Variants in GRID2 observed in about 807,000 individuals in gnomAD.
The protein encoded by GRID2 is glutamate receptor ionotropic, delta-2.
Under a neutral mutation model 114.8 loss-of-function variants are expected in GRID2, and 33 were observed. That is an observed-to-expected ratio of 0.29 (90% CI 0.22 to 0.38). GRID2 has a LOEUF of 0.38. Ranked by LOEUF, GRID2 falls within the 10% of genes least tolerant of loss-of-function variation. The probability of loss-of-function intolerance (pLI) is 1.00; values close to 1 mark genes in which losing one functional copy is unlikely to be tolerated. For synonymous variants in GRID2, 505 were observed against 449.9 expected (o/e 1.12, Z -1.55); for missense variants, 1,184 against 1,257.7 (o/e 0.94, Z 0.89).
At chr4:92,379,877 G>T (rs535701224) in intron 1 of GRID2, among the ~76,000 whole-genome samples, 1 of 151,872 alleles carries the variant, frequency 6.6e-6, no homozygotes, top group Non-Finnish European at 1.5e-5. Context: ...TTATATATAG[G>T]TATTAAATTG....
chr4:92,481,562 A>G (rs1346466365), intron 1 of GRID2, among the ~76,000 whole-genome samples: 7 of 152,024 alleles, frequency 4.6e-5, no homozygotes, highest in Non-Finnish European at 1.0e-4. Flanking sequence ...CCATTCGTCT[A>G]TATGTATGTT....
intron 8 of GRID2, among the ~76,000 whole-genome samples, chr4:93,388,819 C>T (rs1318841714): frequency 6.6e-6 from 1 of 152,136 alleles, no homozygotes; most frequent in African/African-American, 2.4e-5. Flanking sequence ...ATTGGCAGAG[C>T]TGGGCAAAGG....
chr4:93,220,040 A>AG (rs1429678160), intron 6 of GRID2, among the ~76,000 whole-genome samples: 1 of 152,162 alleles, frequency 6.6e-6, no homozygotes, highest in Non-Finnish European at 1.5e-5. Context: ...ACACTTAGGA[A>AG]GAGGACCAAG....
At chr4:92,750,498 G>T (rs1737397463) in intron 2 of GRID2, among the ~76,000 whole-genome samples, 1 of 152,116 alleles carries the variant, frequency 6.6e-6, no homozygotes, top group African/African-American at 2.4e-5. Context: ...ACCAAAGAAA[G>T]AATTTAAGAG....
intron 1 of GRID2, among the ~76,000 whole-genome samples, chr4:92,439,897 A>C (rs1287713418): frequency 6.9e-5 from 10 of 144,862 alleles, no homozygotes; most frequent in Admixed American, 2.1e-4. Flanking sequence ...CCGGCAGTGT[A>C]AACAAGAGCA....
chr4:92,474,062 G>A (rs1449503227), intron 1 of GRID2, among the ~76,000 whole-genome samples: 1 of 150,064 alleles, frequency 6.7e-6, no homozygotes, highest in African/African-American at 2.5e-5. Flanking sequence ...CAAATTTCAA[G>A]TATAAAATAC....
chr4:92,613,624 G>C (rs957558262), intron 2 of GRID2, among the ~76,000 whole-genome samples: 26 of 151,412 alleles, frequency 1.7e-4, no homozygotes, highest in African/African-American at 6.3e-4. Flanking sequence ...GAGTGAGTTT[G>C]ATACTTTGTG....
At chr4:93,216,613 TA>T in intron 5 of GRID2, 124 bp from the exon 6 acceptor site, 2 of 645,406 alleles carry the variant, frequency 3.1e-6, no homozygotes, top group Non-Finnish European at 5.4e-6. Context: ...AGATATGCAC[TA>T]AGCATTAAAA....
chr4:92,350,495 C>A (rs1035626453), intron 1 of GRID2, among the ~76,000 whole-genome samples: 1 of 151,720 alleles, frequency 6.6e-6, no homozygotes, highest in Non-Finnish European at 1.5e-5. Context: ...ATTTTAGTCT[C>A]CAGGGTAACA....
chr4:93,014,426 G>A (rs74639299), intron 2 of GRID2, among the ~76,000 whole-genome samples: 2,254 of 152,176 alleles, frequency 0.015, 28 homozygotes, highest in South Asian at 0.044. Context: ...GAAAAATCAC[G>A]TAGTTTGCTG....
intron 14 of GRID2, among the ~76,000 whole-genome samples, chr4:93,706,846 G>A (rs921169107): frequency 2.0e-5 from 3 of 152,042 alleles, no homozygotes; most frequent in Admixed American, 2.0e-4. Flanking sequence ...TTAGCTGTAG[G>A]TTTGTCATAT....
chr4:93,433,329 G>A (rs1769601801), intron 10 of GRID2, among the ~76,000 whole-genome samples: 1 of 152,156 alleles, frequency 6.6e-6, no homozygotes, highest in Non-Finnish European at 1.5e-5. Context: ...TTCAGAGAAG[G>A]AGAAGAAGAT....
At position 92,688,042 on chromosome 4, in the gene GRID2, T is replaced by C. The variant is rs1317202590; in HGVS notation, c.244+97756T>C. On this transcript the variant is annotated intron_variant, in intron 2 of 15. Transcript: ENST00000282020. The stretch of plus-strand genomic sequence containing the variant: ...ATTGGTTGACCCTTCTTCTTCTTTT[T>C]TTTTTTTTTTTTTTTTTTTTTTTTG... 1.1e-4 allele frequency among the ~76,000 whole-genome samples: 13 copies of C among 114,926 alleles called. 1 individual carries two copies. Among genetic ancestry groups the C allele is most frequent in the Admixed American group, 1.8e-4 (2 of 11,286 alleles). The allele number at this position is 114,926 out of a possible 152,430, so 75.4% of individuals were successfully genotyped here. A position where few individuals can be genotyped will look rare whatever the true frequency, so the allele number is the denominator to read the frequency against.
At chr4:92,443,349 T>C (rs1213416647) in intron 1 of GRID2, among the ~76,000 whole-genome samples, 2 of 151,794 alleles carry the variant, frequency 1.3e-5, no homozygotes, top group East Asian at 3.9e-4. Context: ...GGCATTTAGG[T>C]TTTAGGTCAG....
intron 2 of GRID2, among the ~76,000 whole-genome samples, chr4:93,000,921 T>C (rs1415506123): frequency 1.3e-5 from 2 of 151,368 alleles, no homozygotes; most frequent in East Asian, 3.9e-4. Flanking sequence ...TAACAAACCA[T>C]GTAACTAAAT....
intron 2 of GRID2, among the ~76,000 whole-genome samples, chr4:92,772,025 A>C (rs1029713139): frequency 1.3e-5 from 2 of 152,226 alleles, no homozygotes; most frequent in African/African-American, 4.8e-5. Flanking sequence ...ATGATGGAAC[A>C]CTGGAAACCT....
At chr4:92,634,246 AGTCTTAT>A (rs958052029) in intron 2 of GRID2, among the ~76,000 whole-genome samples, 19 of 152,236 alleles carry the variant, frequency 1.2e-4, no homozygotes, top group Admixed American at 3.3e-4. Flanking sequence ...AGGACATAGG[AGTCTTAT>A]GTCTTATTTA....
At chr4:93,065,564 A>T (rs1728223039) in intron 2 of GRID2, among the ~76,000 whole-genome samples, 2 of 151,912 alleles carry the variant, frequency 1.3e-5, no homozygotes, top group Admixed American at 1.3e-4. Flanking sequence ...AATGCTACTA[A>T]AAGAAGATAT....
At chr4:92,708,558 C>A (rs769661477) in intron 2 of GRID2, among the ~76,000 whole-genome samples, 1 of 152,136 alleles carries the variant, frequency 6.6e-6, no homozygotes, top group Admixed American at 6.5e-5. Flanking sequence ...TTATTTATCT[C>A]ATCTGCAATA....
Sources: allele counts gnomAD v4.1 joint callset (sites outside exome capture counted in the v4.1 genomes callset), GRCh38; gene constraint gnomAD v4.1.1; transcripts MANE v1.5; gene names NCBI Gene and HGNC (gene_info 2026-07-23, HGNC 2026-07-21).